Variants in IMMP2L observed in about 807,000 individuals in gnomAD.
The protein encoded by IMMP2L is mitochondrial inner membrane protease subunit 2.
IMMP2L carries 18 observed loss-of-function variants against 19.3 expected under a neutral mutation model. That is an observed-to-expected ratio of 0.93 (90% CI 0.64 to 1.38). The LOEUF is 1.38. Among genes scored for constraint, IMMP2L ranks in the 40% most tolerant of loss-of-function variants. The pLI is 0.00. For missense variants in IMMP2L, 233 were observed against 218.2 expected (o/e 1.07, Z -0.43); for synonymous variants, 76 against 73.0 (o/e 1.04, Z -0.21).
At chr7:110,679,233 A>C (rs1455076956) in intron 5 of IMMP2L, among the ~76,000 whole-genome samples, 1 of 152,152 alleles carries the variant, frequency 6.6e-6, no homozygotes, top group Non-Finnish European at 1.5e-5. Flanking sequence ...TTTATGCACC[A>C]GTCTCTTTAC....
Position 111,308,553 on chromosome 7 carries a change from A to G in IMMP2L, c.239+178685T>C, listed in dbSNP as rs12539912. On this transcript the variant is annotated intron_variant, in intron 3 of 5. Coordinates refer to ENST00000405709, the MANE Select transcript of IMMP2L (RefSeq NM_032549.4). ...TAGGCAGAAAAATATTATAAAATTG[A>G]TAGTACAGACAGTGAACTACTACAA... Among the ~76,000 whole-genome samples, 1,509 of 152,104 alleles carry G rather than the reference A, an allele frequency of 9.9e-3. 44 individuals carry two copies. The highest frequency in any genetic ancestry group is 0.048 in the Admixed American group (728 of 15,252).
At chr7:110,980,804 T>C (rs769833215) in intron 3 of IMMP2L, among the ~76,000 whole-genome samples, 9 of 152,246 alleles carry the variant, frequency 5.9e-5, no homozygotes, top group Non-Finnish European at 1.3e-4. Flanking sequence ...TAACTCTTGT[T>C]ATACAGATGA....
At chr7:110,810,060 C>T (rs748844537) in intron 5 of IMMP2L, among the ~76,000 whole-genome samples, 6 of 152,042 alleles carry the variant, frequency 3.9e-5, no homozygotes, top group African/African-American at 7.2e-5. Context: ...CATCTGGAGC[C>T]GGTGTCCTCA....
chr7:111,327,067 GA>G (rs1488077786), intron 3 of IMMP2L, among the ~76,000 whole-genome samples: 8 of 151,674 alleles, frequency 5.3e-5, no homozygotes, highest in Non-Finnish European at 1.2e-4. Flanking sequence ...TATGGATGGG[GA>G]AAAAGGGGAA....
intron 3 of IMMP2L, among the ~76,000 whole-genome samples, chr7:111,160,575 A>G (rs1182995108): frequency 6.6e-6 from 1 of 151,956 alleles, no homozygotes; most frequent in Non-Finnish European, 1.5e-5. Context: ...CTCTGTTAAA[A>G]GTTTAATGAC....
intron 3 of IMMP2L, among the ~76,000 whole-genome samples, chr7:111,370,803 T>C (rs1830195703): frequency 6.6e-6 from 1 of 151,940 alleles, no homozygotes; most frequent in Non-Finnish European, 1.5e-5. Context: ...TCTTAAGAAC[T>C]ATGATACAAC....
At chr7:110,745,937 A>G (rs1217541252) in intron 5 of IMMP2L, among the ~76,000 whole-genome samples, 1 of 152,240 alleles carries the variant, frequency 6.6e-6, no homozygotes, top group East Asian at 1.9e-4. Context: ...AAATGCTCCA[A>G]TTAAAAGACA....
At chr7:110,815,851 C>T (rs1016581945) in intron 5 of IMMP2L, among the ~76,000 whole-genome samples, 5 of 152,000 alleles carry the variant, frequency 3.3e-5, no homozygotes, top group Admixed American at 6.6e-5. Context: ...TTTGATTCTT[C>T]TCTCTTTTCT....
In IMMP2L at chr7:111,050,110, T is replaced by C. The variant is rs928548978; in HGVS notation, c.240-86545A>G. Among the ~76,000 whole-genome samples, 7 of 152,198 alleles carry C rather than the reference T, an allele frequency of 4.6e-5. No individual in the cohort carries two copies. The South Asian group carries it at 1.4e-3, about 32-fold the overall frequency. ...GAATAGTGCTAGTAAAGTAAAATGA[T>C]TGTGCTCCAAAATGAAGTATATAAT... On this transcript the variant is annotated intron_variant, in intron 3 of 5. Coordinates refer to ENST00000405709, the MANE Select transcript of IMMP2L (RefSeq NM_032549.4).
At chr7:111,170,566 G>A (rs1018474481) in intron 3 of IMMP2L, among the ~76,000 whole-genome samples, 1 of 151,712 alleles carries the variant, frequency 6.6e-6, no homozygotes, top group Non-Finnish European at 1.5e-5. Flanking sequence ...ACTGGAAGTG[G>A]ACTTAGAGAG....
chr7:111,412,623 A>C (rs1834535952), intron 3 of IMMP2L, among the ~76,000 whole-genome samples: 1 of 151,884 alleles, frequency 6.6e-6, no homozygotes, highest in Non-Finnish European at 1.5e-5. Flanking sequence ...AGAAAACTAA[A>C]GTACTGCTCA....
At chr7:110,885,163 T>C (rs1288293784) in intron 5 of IMMP2L, among the ~76,000 whole-genome samples, 3 of 151,736 alleles carry the variant, frequency 2.0e-5, no homozygotes, top group Admixed American at 1.3e-4. Context: ...ACCAGAAGTA[T>C]TTCAAATTTT....
chr7:110,663,642 A>C lies in IMMP2L; in HGVS notation c.488T>G (p.Leu163Arg), dbSNP rs750458038. 6.2e-7 allele frequency: 1 copy of C among 1,612,550 alleles called. No individual in the cohort carries two copies. The highest frequency in any genetic ancestry group is 1.1e-5 in the South Asian group (1 of 90,978). ...PERWQKLESV[L>R]PPERLPVQRE... ...CTGTACTGGTAAGCGCTCTGGAGGA[A>C]GAACAGATTCCAATTTCTGCCAGCG... Residue 163 changes from leucine to arginine, a missense_variant, in exon 6 of 6, where the codon CTT (leucine) becomes CGT (arginine). Transcript: ENST00000405709.
intron 5 of IMMP2L, among the ~76,000 whole-genome samples, chr7:110,826,742 C>T (rs561795078): frequency 2.4e-4 from 37 of 151,872 alleles, no homozygotes; most frequent in Middle Eastern, 3.4e-3. Context: ...ATGTAAATGA[C>T]GACTTAATGT....
intron 3 of IMMP2L, among the ~76,000 whole-genome samples, chr7:111,211,997 A>C (rs1226660088): frequency 6.6e-6 from 1 of 152,130 alleles, no homozygotes; most frequent in African/African-American, 2.4e-5. Flanking sequence ...ACTCCGTCTC[A>C]AAAACAAAAA....
In IMMP2L at chr7:111,392,173, C is replaced by T. The variant is rs189066971; in HGVS notation, c.239+95065G>A. 4.6e-4 allele frequency among the ~76,000 whole-genome samples: 70 copies of T among 152,250 alleles called. 1 individual carries two copies. Among genetic ancestry groups the T allele is most frequent in the African/African-American group, 1.5e-3 (61 of 41,564 alleles). On this transcript the variant is annotated intron_variant, in intron 3 of 5. Coordinates refer to ENST00000405709, the MANE Select transcript of IMMP2L (RefSeq NM_032549.4). The stretch of plus-strand genomic sequence containing the variant: ...AGCCCCAAAGTCACATGGGCAATCA[C>T]ATTTCCAATCTTTTAAGCACCCTTC...
At position 111,214,325 on chromosome 7, in the gene IMMP2L, TTTC is replaced by T. The variant is rs1347583721; in HGVS notation, c.240-250763_240-250761del. Among the ~76,000 whole-genome samples, 27 of 130,192 alleles carry T rather than the reference TTTC, an allele frequency of 2.1e-4. 6 individuals are homozygous for T. The highest frequency in any genetic ancestry group is 2.3e-4 in the South Asian group (1 of 4,358). The allele number at this position is 130,192 out of a possible 152,430, so 85.4% of individuals were successfully genotyped here. A position where few individuals can be genotyped will look rare whatever the true frequency, so the allele number is the denominator to read the frequency against. ...CCAGTGAATGAATGACAAAGTAATT[TTTC>T]TTCTTTTTTTTTTTTTTTTTTTTTT... is the stretch of plus-strand genomic sequence containing the variant. On this transcript the variant is annotated intron_variant, in intron 3 of 5. Coordinates refer to ENST00000405709, the MANE Select transcript of IMMP2L (RefSeq NM_032549.4).
intron 3 of IMMP2L, among the ~76,000 whole-genome samples, chr7:111,186,270 A>G (rs185644198): frequency 6.6e-6 from 1 of 152,304 alleles, no homozygotes; most frequent in Non-Finnish European, 1.5e-5. Flanking sequence ...ACACCAATGT[A>G]TATGCTGCGG....
At chr7:111,256,096 T>C (rs1263761869) in intron 3 of IMMP2L, among the ~76,000 whole-genome samples, 1 of 152,052 alleles carries the variant, frequency 6.6e-6, no homozygotes, top group African/African-American at 2.4e-5. Context: ...CTTTGGGAAG[T>C]ATTTTTATTT....
Sources: gnomAD v4.1 joint callset for allele counts (sites outside exome capture counted in the v4.1 genomes callset) on GRCh38, gnomAD v4.1.1 for gene constraint, MANE v1.5 for transcripts, NCBI Gene and HGNC (gene_info 2026-07-23, HGNC 2026-07-21) for gene names.